HECW2: variants seen among roughly 807,000 people sequenced by gnomAD.
HECW2 encodes E3 ubiquitin-protein ligase HECW2.
HECW2 carries 61 observed loss-of-function variants against 175.2 expected under a neutral mutation model. That is an observed-to-expected ratio of 0.35 (90% confidence interval 0.28 to 0.43). The LOEUF (loss-of-function observed/expected upper bound fraction) is 0.43. Among genes scored for constraint, HECW2 ranks in the 20% least tolerant of loss-of-function variants. HECW2 has a pLI of 1.00. For synonymous variants in HECW2, 671 were observed against 731.0 expected (o/e 0.92, Z 1.32); for missense variants, 1,524 against 2,000.5 (o/e 0.76, Z 4.54).
At chr2:196,470,745 C>T (rs550463352) in intron 1 of HECW2, among the ~76,000 whole-genome samples, 20 of 152,104 alleles carry the variant, frequency 1.3e-4, no homozygotes, top group African/African-American at 4.8e-4. Flanking sequence ...GAAATAGACC[C>T]ATTGATATAT....
At chr2:196,351,192 A>T (rs189084487) in intron 2 of HECW2, among the ~76,000 whole-genome samples, 1,843 of 150,418 alleles carry the variant, frequency 0.012, 8 homozygotes, top group Middle Eastern at 0.037. Flanking sequence ...TTTTTTTTTA[A>T]AAAAAATGAC....
chr2:196,214,552 A>G (rs1429992126), intron 28 of HECW2, among the ~76,000 whole-genome samples: 3 of 152,208 alleles, frequency 2.0e-5, no homozygotes, highest in Non-Finnish European at 4.4e-5. Flanking sequence ...AGCATAAATA[A>G]AATGAGCTAG....
In HECW2 at chr2:196,292,602, G is replaced by A. The variant is rs749211931; in HGVS notation, c.2963C>T (p.Pro988Leu). 3 of 1,613,904 alleles carry A rather than the reference G, an allele frequency of 1.9e-6. No homozygotes were observed. Among genetic ancestry groups the A allele is most frequent in the Admixed American group, 1.7e-5 (1 of 60,018 alleles). The change falls in exon 14 of 29, where the codon CCG (proline) becomes CTG (leucine). Residue 988 changes from proline (P) to leucine (L), a missense_variant. Coordinates refer to ENST00000644978, the MANE Select transcript of HECW2 (RefSeq NM_001348768.2). ...NMFANKQLELPRGWEMKHDHQ... is the reference protein window; with the variant it reads ...NMFANKQLELLRGWEMKHDHQ... ...ATCATGTTTCATTTCCCATCCCCGC[G>A]GCAGCTCTAGCTGTTTGTTCGCGAA...
intron 1 of HECW2, among the ~76,000 whole-genome samples, chr2:196,499,577 T>C (rs938093963): frequency 1.3e-5 from 2 of 152,176 alleles, no homozygotes; most frequent in African/African-American, 4.8e-5. Flanking sequence ...TTTCTTAGCA[T>C]CTACAGATAG....
intron 2 of HECW2, among the ~76,000 whole-genome samples, chr2:196,359,434 G>A (rs1020380460): frequency 1.3e-5 from 2 of 151,922 alleles, no homozygotes; most frequent in African/African-American, 2.4e-5. Context: ...GCAACAGAGC[G>A]AGACTCCATC....
chr2:196,361,860 G>T (rs3891787), intron 2 of HECW2: 2 of 985,320 alleles, frequency 2.0e-6, no homozygotes, highest in Non-Finnish European at 2.4e-6. Flanking sequence ...ATGAGACTTA[G>T]GCAGCAGCAA....
At chr2:196,357,821 A>G (rs1258787037) in intron 2 of HECW2, among the ~76,000 whole-genome samples, 1 of 152,150 alleles carries the variant, frequency 6.6e-6, no homozygotes, top group African/African-American at 2.4e-5. Flanking sequence ...CTTGCGAAGA[A>G]GGTACCTGCT....
intron 3 of HECW2, among the ~76,000 whole-genome samples, chr2:196,342,226 G>A (rs1692779514): frequency 6.6e-6 from 1 of 151,842 alleles, no homozygotes; most frequent in South Asian, 2.1e-4. Context: ...CCAACATGGA[G>A]AAACCCTGTC....
At chr2:196,314,957 A>C (rs2105740190) in intron 10 of HECW2, among the ~76,000 whole-genome samples, 1 of 152,308 alleles carries the variant, frequency 6.6e-6, no homozygotes, top group East Asian at 1.9e-4. Flanking sequence ...GCAGGGATCC[A>C]GCTGAGGTGA....
intron 1 of HECW2, among the ~76,000 whole-genome samples, chr2:196,560,127 C>G (rs1197963889): frequency 6.6e-6 from 1 of 152,022 alleles, no homozygotes; most frequent in Non-Finnish European, 1.5e-5. Context: ...TATGAAGCAC[C>G]CTGATGATGT....
intron 26 of HECW2, among the ~76,000 whole-genome samples, chr2:196,218,740 A>G (rs1687564769): frequency 6.6e-6 from 1 of 152,232 alleles, no homozygotes; most frequent in African/African-American, 2.4e-5. Context: ...TGAGCTAATA[A>G]TATTTATGGT....
chr2:196,273,776 A>C (rs541718592), intron 16 of HECW2, among the ~76,000 whole-genome samples: 1 of 152,322 alleles, frequency 6.6e-6, no homozygotes, highest in East Asian at 1.9e-4. Context: ...CTAATATGAT[A>C]CCTCTACTCA....
chr2:196,507,768 A>G (rs1325872850), intron 1 of HECW2, among the ~76,000 whole-genome samples: 1 of 152,168 alleles, frequency 6.6e-6, no homozygotes, highest in Non-Finnish European at 1.5e-5. Flanking sequence ...ACCTAACAAA[A>G]CAGTCATGAT....
At chr2:196,218,547 C>T (rs969345242) in intron 26 of HECW2, among the ~76,000 whole-genome samples, 5 of 152,122 alleles carry the variant, frequency 3.3e-5, no homozygotes, top group African/African-American at 1.2e-4. Flanking sequence ...GGCGTGGTGG[C>T]TTACACATGT....
chr2:196,243,623 C>T (rs973646732), intron 19 of HECW2, among the ~76,000 whole-genome samples: 3 of 151,980 alleles, frequency 2.0e-5, no homozygotes, highest in Admixed American at 6.5e-5. Context: ...TCTTGTTGCC[C>T]AGGCTGGAGT....
intron 1 of HECW2, among the ~76,000 whole-genome samples, chr2:196,462,692 G>A (rs762949887): frequency 6.0e-5 from 9 of 150,512 alleles, no homozygotes; most frequent in Non-Finnish European, 1.0e-4. Context: ...CCCTCCCCCC[G>A]AAAAAAGATG....
At chr2:196,275,272 T>C (rs1689900614) in intron 15 of HECW2, among the ~76,000 whole-genome samples, 1 of 152,126 alleles carries the variant, frequency 6.6e-6, no homozygotes. Context: ...TTGTGAACAG[T>C]TTATATTATT....
chr2:196,214,609 C>A (rs1687403852), intron 28 of HECW2, among the ~76,000 whole-genome samples: 1 of 152,134 alleles, frequency 6.6e-6, no homozygotes, highest in Non-Finnish European at 1.5e-5. Flanking sequence ...ATTTGGAAAT[C>A]AAATATGCCA....
chr2:196,209,512 A>C (rs1687186398), intron 28 of HECW2, among the ~76,000 whole-genome samples: 1 of 152,194 alleles, frequency 6.6e-6, no homozygotes, highest in Non-Finnish European at 1.5e-5. Flanking sequence ...GTTATATAGA[A>C]CTGAGTGAGA....
Sources: allele counts gnomAD v4.1 joint callset (sites outside exome capture counted in the v4.1 genomes callset), GRCh38; gene constraint gnomAD v4.1.1; transcripts MANE v1.5; gene names NCBI Gene and HGNC (gene_info 2026-07-23, HGNC 2026-07-21).